The following CDCA7 variants were observed in gnomAD, a reference collection of about 807,000 sequenced individuals.
CDCA7 encodes cell division cycle-associated protein 7.
Under a neutral mutation model 54.0 loss-of-function variants are expected in CDCA7, and 28 were observed. That is an observed-to-expected ratio of 0.52 (90% confidence interval 0.38 to 0.71). The LOEUF (loss-of-function observed/expected upper bound fraction) is 0.71, where lower values mean the gene tolerates loss of function less well. CDCA7 is among the 30% of genes least tolerant of loss of function. The probability of loss-of-function intolerance (pLI) is 0.00; values close to 1 mark genes in which losing one functional copy is unlikely to be tolerated. For missense variants in CDCA7, 484 were observed against 586.0 expected (o/e 0.83, Z 1.80); for synonymous variants, 180 against 208.2 (o/e 0.86, Z 1.16).
chr2:173,358,650 T>A, intron 1 of CDCA7, 62 bp from the exon 2 acceptor site: 2 of 1,555,610 alleles, frequency 1.3e-6, no homozygotes, highest in East Asian at 2.3e-5. Context: ...TAAAAAAAAA[T>A]GATGTCTTTA....
rs1410077174 is a variant in CDCA7 at position 173,368,977 on chromosome 2, A to T, written c.*1313A>T. 6.6e-6 allele frequency: 1 copy of T among 152,196 alleles called. No individual in the cohort carries two copies. Among genetic ancestry groups the T allele is most frequent in the African/African-American group, 2.4e-5 (1 of 41,450 alleles). 9.4% of individuals were successfully genotyped at this position (152,196 alleles called of 1,614,324 possible). ...TTTCCTCATATTTAAATAAAAGGCC[A>T]TTTCCACCTTTTCTAAAAAAGTCTC... is the stretch of plus-strand genomic sequence containing the variant. On this transcript the variant is annotated 3_prime_UTR_variant, in exon 10 of 10. Transcript: ENST00000306721.
chr2:173,367,509 G>A, intron 9 of CDCA7, 125 bp from the exon 10 acceptor site: 1 of 1,322,796 alleles, frequency 7.6e-7, no homozygotes, highest in Non-Finnish European at 1.1e-6. Flanking sequence ...ACTTGAAGAT[G>A]CGCACACTTG....
intron 1 of CDCA7, among the ~76,000 whole-genome samples, chr2:173,356,821 A>G (rs530455361): frequency 2.6e-5 from 4 of 152,254 alleles, no homozygotes; most frequent in African/African-American, 9.6e-5. Flanking sequence ...TAACCTTTAT[A>G]TTTAGTAGCT....
At chr2:173,362,507 A>G (rs1160232471) in intron 3 of CDCA7, among the ~76,000 whole-genome samples, 1 of 151,810 alleles carries the variant, frequency 6.6e-6, no homozygotes, top group Non-Finnish European at 1.5e-5. Context: ...TAGAGAATTG[A>G]GATCTGTTAA....
chr2:173,363,357 G>A lies in CDCA7; in HGVS notation c.516G>A (p.Gln172=). 2.5e-6 allele frequency: 4 copies of A among 1,614,180 alleles called. No homozygotes were observed. Among genetic ancestry groups the A allele is most frequent in the Non-Finnish European group, 3.4e-6 (4 of 1,180,040 alleles). The part of the protein sequence containing the change: ...GATNKKAESR[Q]PSENSVTDSN... ...CCAACAAAAAAGCAGAGTCCCGCCA[G>A]CCCTCAGAGAATTCTGTGACTGATT... The change falls in exon 4 of 10, where the codon CAG becomes CAA. Residue 172 remains glutamine, a synonymous_variant. Transcript: ENST00000306721.
chr2:173,367,955 A>G lies in CDCA7; in HGVS notation c.*291A>G, dbSNP rs1686754584. 1 of 463,502 alleles carries G rather than the reference A, an allele frequency of 2.2e-6. No individual in the cohort carries two copies. The highest frequency in any genetic ancestry group is 2.0e-5 in the African/African-American group (1 of 51,124). 28.7% of individuals were successfully genotyped at this position (463,502 alleles called of 1,614,324 possible). On this transcript the variant is annotated 3_prime_UTR_variant, in exon 10 of 10. Transcript: ENST00000306721. The stretch of plus-strand genomic sequence containing the variant: ...CGCTTAGTTTCTGAATTTCTTTTAA[A>G]TTACAGTTTTATGAAAGCATATTTT...
Position 173,358,629 on chromosome 2 carries a change from A to G in CDCA7, c.22-83A>G, listed in dbSNP as rs1686558612. 6 of 1,468,044 alleles carry G rather than the reference A, an allele frequency of 4.1e-6. No homozygotes were observed. The South Asian group carries it at 8.1e-5, about 20-fold the overall frequency. 90.9% of individuals were successfully genotyped at this position (1,468,044 alleles called of 1,614,324 possible). A position where few individuals can be genotyped will look rare whatever the true frequency, so the allele number is the denominator to read the frequency against. On this transcript the variant is annotated intron_variant, in intron 1 of 9. Transcript: ENST00000306721. ...GACATATCTACTCTGTGCTGTTTGAACCTACTAAACTAAAAAAAAATGATG... is the reference window on the plus strand; with the variant it reads ...GACATATCTACTCTGTGCTGTTTGAGCCTACTAAACTAAAAAAAAATGATG...
chr2:173,365,871 G>A (rs946883085), intron 7 of CDCA7, among the ~76,000 whole-genome samples: 31 of 152,306 alleles, frequency 2.0e-4, no homozygotes, highest in Non-Finnish European at 2.9e-5. Flanking sequence ...TCTATTATGT[G>A]TGTATACATA....
chr2:173,366,188 C>A lies in CDCA7; in HGVS notation c.1036-95C>A. 3 of 1,393,930 alleles carry A rather than the reference C, an allele frequency of 2.2e-6. No homozygotes were observed. Among genetic ancestry groups the A allele is most frequent in the Admixed American group, 2.2e-5 (1 of 46,136 alleles). 86.3% of individuals were successfully genotyped at this position (1,393,930 alleles called of 1,614,324 possible). A position where few individuals can be genotyped will look rare whatever the true frequency, so the allele number is the denominator to read the frequency against. ...AGAGATTCATAGACAAAATGTAAGC[C>A]TATACTACGAAGAGGGACATTCTGT... is the stretch of plus-strand genomic sequence containing the variant. On this transcript the variant is annotated intron_variant, in intron 7 of 9. Transcript: ENST00000306721. This position sits in a 1 kb window ranked among gnomAD's most constrained non-coding sequence, Gnocchi z 4.5.
At chr2:173,362,578 CTTTT>C (rs11437572) in intron 3 of CDCA7, among the ~76,000 whole-genome samples, 1 of 143,048 alleles carries the variant, frequency 7.0e-6, no homozygotes. Flanking sequence ...ATTTTTTTCC[CTTTT>C]TTTTTTTTTC....
At position 173,354,923 on chromosome 2, in the gene CDCA7, T is replaced by C; in HGVS notation, c.-41T>C. 1 of 1,466,816 alleles carries C rather than the reference T, an allele frequency of 6.8e-7. No individual in the cohort carries two copies. The highest frequency in any genetic ancestry group is 2.4e-5 in the Admixed American group (1 of 42,440). 90.9% of individuals were successfully genotyped at this position (1,466,816 alleles called of 1,614,324 possible). A position where few individuals can be genotyped will look rare whatever the true frequency, so the allele number is the denominator to read the frequency against. The stretch of plus-strand genomic sequence containing the variant: ...ACCGCTGACCGCGCGGCTGCTCCGC[T>C]CTCCCCGCTCCAAGCGCCGATCTGG... On this transcript the variant is annotated 5_prime_UTR_variant, in exon 1 of 10. Transcript: ENST00000306721.
chr2:173,355,041 G>A, intron 1 of CDCA7, 57 bp downstream of exon 1: 2 of 1,297,136 alleles, frequency 1.5e-6, no homozygotes, highest in Non-Finnish European at 1.9e-6. Context: ...GGACGCAGGC[G>A]GGCGCGGGCC....
Position 173,366,838 on chromosome 2 carries a change from G to A in CDCA7, c.1186-312G>A, listed in dbSNP as rs1051398519. On this transcript the variant is annotated intron_variant, in intron 8 of 9. Transcript: ENST00000306721. The surrounding 1 kb of genome is among the most constrained non-coding windows in gnomAD (Gnocchi z 4.5). ...TGGGATTACAGGTGTGAGCCACCAC[G>A]CCCGGCCCAGGGTGCTCTTAATTCA... 3.9e-5 allele frequency among the ~76,000 whole-genome samples: 6 copies of A among 152,118 alleles called. No individual in the cohort carries two copies. Among genetic ancestry groups the A allele is most frequent in the African/African-American group, 9.7e-5 (4 of 41,410 alleles).
intron 2 of CDCA7, 50 bp downstream of exon 2, chr2:173,358,887 G>A: frequency 1.3e-6 from 2 of 1,576,316 alleles, no homozygotes; most frequent in Non-Finnish European, 1.7e-6. Flanking sequence ...TGCTCAAAAT[G>A]CCCCAGATGC....
At chr2:173,356,792 A>AC (rs745356990) in intron 1 of CDCA7, among the ~76,000 whole-genome samples, 1 of 152,018 alleles carries the variant, frequency 6.6e-6, no homozygotes, top group Non-Finnish European at 1.5e-5. Context: ...GGTGTGAGCC[A>AC]CCCCCCTACA....
rs774145403 is a variant in CDCA7, at chr2:173,359,243, T to G, written c.148-12T>G. 4.4e-6 allele frequency: 7 copies of G among 1,596,346 alleles called. No homozygotes were observed. The South Asian group carries it at 7.9e-5, about 18-fold the overall frequency. ...AAAAATGCACAACCGCATTTATTTA[T>G]TTATTTTACAGAAACCTAAATTCAG... On this transcript the variant is annotated splice_polypyrimidine_tract_variant and intron_variant, in intron 2 of 9. Transcript: ENST00000306721.
At chr2:173,360,484 A>C (rs1686599174) in intron 3 of CDCA7, among the ~76,000 whole-genome samples, 1 of 152,164 alleles carries the variant, frequency 6.6e-6, no homozygotes, top group Non-Finnish European at 1.5e-5. Context: ...GTTTGTGGGC[A>C]TGTAAGACTT....
At chr2:173,357,434 T>A (rs2106387396) in intron 1 of CDCA7, among the ~76,000 whole-genome samples, 1 of 152,340 alleles carries the variant, frequency 6.6e-6, no homozygotes, top group East Asian at 1.9e-4. Flanking sequence ...TGCTATTTGA[T>A]CTTTAACTTG....
chr2:173,356,978 G>A (rs551111515), intron 1 of CDCA7, among the ~76,000 whole-genome samples: 2 of 152,302 alleles, frequency 1.3e-5, no homozygotes, highest in Non-Finnish European at 2.9e-5. Context: ...ACTGAAATGC[G>A]TAATGTTAGG....
Sources: allele counts gnomAD v4.1 joint callset (sites outside exome capture counted in the v4.1 genomes callset), GRCh38; gene constraint gnomAD v4.1.1; non-coding constraint Gnocchi (gnomAD v3.1); transcripts MANE v1.5; gene names NCBI Gene and HGNC (gene_info 2026-07-23, HGNC 2026-07-21).